The following CHL1 variants were observed in gnomAD, a reference collection of about 807,000 sequenced individuals.
CHL1 encodes the protein neural cell adhesion molecule L1-like protein.
In CHL1, 96 loss-of-function variants were observed where a neutral mutation model predicts 141.9. That is an observed-to-expected ratio of 0.68 (90% CI 0.57 to 0.80). CHL1 has a LOEUF of 0.80. Ranked by LOEUF, CHL1 falls within the 30% of genes least tolerant of loss-of-function variation. The pLI is 0.00. For synonymous variants in CHL1, 613 were observed against 502.2 expected (o/e 1.22, Z -2.95); for missense variants, 1,820 against 1,457.2 (o/e 1.25, Z -4.05).
intron 20 of CHL1, among the ~76,000 whole-genome samples, chr3:390,215 A>G (rs972748316): frequency 6.6e-6 from 1 of 152,230 alleles, no homozygotes; most frequent in Non-Finnish European, 1.5e-5. Flanking sequence ...ACTGCTCTGT[A>G]TTTGGCTTAT....
intron 19 of CHL1, among the ~76,000 whole-genome samples, chr3:388,728 A>G (rs1575263327): frequency 1.3e-5 from 2 of 152,290 alleles, no homozygotes; most frequent in African/African-American, 2.4e-5. Flanking sequence ...ATGAACATTC[A>G]TATTCTCCAA....
intron 3 of CHL1, among the ~76,000 whole-genome samples, chr3:322,878 A>G (rs1398842914): frequency 6.6e-6 from 1 of 151,288 alleles, no homozygotes; most frequent in African/African-American, 2.4e-5. Flanking sequence ...TACTCAGAGT[A>G]AAAAACTCTC....
At chr3:352,614 G>C (rs1186284960) in intron 10 of CHL1, among the ~76,000 whole-genome samples, 1 of 152,088 alleles carries the variant, frequency 6.6e-6, no homozygotes, top group African/African-American at 2.4e-5. Context: ...TTGGTTTTAA[G>C]GCTCAAGAAG....
At chr3:313,560 GA>G (rs1266780202) in intron 2 of CHL1, among the ~76,000 whole-genome samples, 1 of 151,952 alleles carries the variant, frequency 6.6e-6, no homozygotes, top group Non-Finnish European at 1.5e-5. Context: ...ACTGTTAGGT[GA>G]AAAAAACAAG....
At chr3:395,137 A>C (rs1708565266) in intron 24 of CHL1, among the ~76,000 whole-genome samples, 1 of 152,220 alleles carries the variant, frequency 6.6e-6, no homozygotes, top group Non-Finnish European at 1.5e-5. Context: ...AGGAACTATA[A>C]TTTTACTTAA....
At chr3:360,456 T>C (rs1452967874) in intron 12 of CHL1, 32 bp downstream of exon 12, 1 of 1,608,586 alleles carries the variant, frequency 6.2e-7, no homozygotes, top group South Asian at 1.1e-5. Context: ...CTTAACATGC[T>C]ATTTTCCTAA....
At chr3:334,061 A>G (rs1701672165) in intron 5 of CHL1, among the ~76,000 whole-genome samples, 1 of 152,120 alleles carries the variant, frequency 6.6e-6, no homozygotes, top group Non-Finnish European at 1.5e-5. Flanking sequence ...GGCTCTAGCA[A>G]TCCTTCCACC....
At position 349,406 on chromosome 3, in the gene CHL1, A is replaced by G; in HGVS notation, c.896A>G (p.Lys299Arg). 1.2e-6 allele frequency: 2 copies of G among 1,613,938 alleles called. No homozygotes were observed. Among genetic ancestry groups the G allele is most frequent in the Non-Finnish European group, 1.7e-6 (2 of 1,179,826 alleles). ...AACAAAATTGGTGGTGACTTACCAAAGGGGAGAGAAACAAAAGAAAATTAT... is the reference window on the plus strand; with the variant it reads ...AACAAAATTGGTGGTGACTTACCAAGGGGGAGAGAAACAAAAGAAAATTAT... ...DWNKIGGDLP[K>R]GRETKENYGK... The change falls in exon 10 of 28, where the codon AAG becomes AGG. Residue 299 changes from lysine to arginine, a missense_variant. Transcript: ENST00000256509.
chr3:368,023 G>C (rs934168252), intron 15 of CHL1, among the ~76,000 whole-genome samples: 6 of 152,086 alleles, frequency 3.9e-5, no homozygotes, highest in Non-Finnish European at 7.4e-5. Flanking sequence ...TCGGTTTCAT[G>C]TCTTTACTAT....
Position 391,050 on chromosome 3 carries a change from G to T in CHL1, c.2682G>T (p.Met894Ile), listed in dbSNP as rs1215390444. 1.9e-6 allele frequency: 3 copies of T among 1,613,534 alleles called. No homozygotes were observed. The highest frequency in any genetic ancestry group is 2.2e-5 in the East Asian group (1 of 44,884). The change falls in exon 22 of 28, where the codon ATG becomes ATT. Residue 894 changes from methionine (M) to isoleucine (I), a missense_variant. Coordinates refer to ENST00000256509, the MANE Select transcript of CHL1 (RefSeq NM_006614.4). The stretch of plus-strand genomic sequence containing the variant: ...TTTCAGGACAAAGAAACTCTGGAAT[G>T]GTTCCTTCCTTAGATGCCTTTAGTG... ...LRFSGQRNSG[M>I]VPSLDAFSEF...
At chr3:255,786 G>A (rs114515365) in intron 2 of CHL1, among the ~76,000 whole-genome samples, 1,529 of 152,264 alleles carry the variant, frequency 0.01, 33 homozygotes, top group African/African-American at 0.036. Flanking sequence ...TAGATCTAAG[G>A]ATCCCTGGAC....
At chr3:391,197 A>C (rs1219406971) in intron 22 of CHL1, 38 bp downstream of exon 22, 10 of 1,486,046 alleles carry the variant, frequency 6.7e-6, no homozygotes, top group Middle Eastern at 3.4e-4. Flanking sequence ...TCAAAAATGG[A>C]GGTGATCCAT....
At chr3:212,689 C>G (rs890970714) in intron 1 of CHL1, among the ~76,000 whole-genome samples, 1 of 152,170 alleles carries the variant, frequency 6.6e-6, no homozygotes, top group Non-Finnish European at 1.5e-5. Context: ...CTGGAGTCAG[C>G]CTTCATTATT....
chr3:237,958 G>C (rs1692156106), intron 1 of CHL1, among the ~76,000 whole-genome samples: 1 of 152,202 alleles, frequency 6.6e-6, no homozygotes. Context: ...GCCTATATAA[G>C]GTTTTGCTGA....
intron 24 of CHL1, among the ~76,000 whole-genome samples, chr3:396,435 T>C (rs1017087691): frequency 1.3e-5 from 2 of 152,144 alleles, no homozygotes; most frequent in East Asian, 1.9e-4. Flanking sequence ...TTCTTACCAA[T>C]TGGAAGCACA....
chr3:323,849 A>G (rs1201942955), intron 3 of CHL1, among the ~76,000 whole-genome samples: 1 of 152,128 alleles, frequency 6.6e-6, no homozygotes, highest in African/African-American at 2.4e-5. Flanking sequence ...TGCATGAGTG[A>G]GCAAGACCCT....
At chr3:247,845 T>C (rs1374635666) in intron 2 of CHL1, 2 of 152,160 alleles carry the variant, frequency 1.3e-5, no homozygotes, top group Admixed American at 6.6e-5. Context: ...TGCTAGAACA[T>C]TGTGCATAAA....
intron 2 of CHL1, among the ~76,000 whole-genome samples, chr3:315,620 G>C (rs917159125): frequency 4.6e-5 from 7 of 151,994 alleles, no homozygotes; most frequent in African/African-American, 1.7e-4. Flanking sequence ...TTTCCTTTTT[G>C]TTGTGTTGGA....
chr3:320,887 T>C (rs1450094603), intron 3 of CHL1, among the ~76,000 whole-genome samples: 1 of 152,064 alleles, frequency 6.6e-6, no homozygotes, highest in Admixed American at 6.6e-5. Context: ...CTTCTGTATA[T>C]AATTTGGAGG....
Sources: gnomAD v4.1 joint callset for allele counts (sites outside exome capture counted in the v4.1 genomes callset) on GRCh38, gnomAD v4.1.1 for gene constraint, MANE v1.5 for transcripts, NCBI Gene and HGNC (gene_info 2026-07-23, HGNC 2026-07-21) for gene names.